Variants in SH3PXD2B observed in about 807,000 individuals in gnomAD.
SH3PXD2B encodes SH3 and PX domain-containing protein 2B.
Under a neutral mutation model 73.1 loss-of-function variants are expected in SH3PXD2B, and 37 were observed. That is an observed-to-expected ratio of 0.51 (90% confidence interval 0.39 to 0.67). The LOEUF (loss-of-function observed/expected upper bound fraction) is 0.67. Among genes scored for constraint, SH3PXD2B ranks in the 30% least tolerant of loss-of-function variants. The probability of loss-of-function intolerance (pLI) is 0.00; values close to 1 mark genes in which losing one functional copy is unlikely to be tolerated. For synonymous variants in SH3PXD2B, 457 were observed against 480.5 expected (o/e 0.95, Z 0.64); for missense variants, 1,053 against 1,197.8 (o/e 0.88, Z 1.78).
Position 172,445,661 on chromosome 5 carries a change from A to G in SH3PXD2B, c.75+8617T>C, listed in dbSNP as rs919964913. 1.8e-4 allele frequency among the ~76,000 whole-genome samples: 28 copies of G among 152,254 alleles called. No homozygotes were observed. The highest frequency in any genetic ancestry group is 4.1e-4 in the Non-Finnish European group (28 of 68,048). On this transcript the variant is annotated intron_variant, in intron 1 of 12. Transcript: ENST00000311601. The surrounding 1 kb of genome is among the most constrained non-coding windows in gnomAD (Gnocchi z 5.2). ...CTCATAAATATGTCCCAAATATTGC[A>G]TGTTTATTTGAAACCGAAATTGAAC...
chr5:172,346,400 A>G (rs940000255), intron 11 of SH3PXD2B, 139 bp from the exon 12 acceptor site: 1 of 1,299,960 alleles, frequency 7.7e-7, no homozygotes, highest in Admixed American at 1.8e-5. Context: ...AAGGGACAAC[A>G]CAAATAGGAC....
rs142701718 is a variant in SH3PXD2B, at chr5:172,394,341, T to C, written c.309+222A>G. Among the ~76,000 whole-genome samples the C allele has an allele frequency of 2.0e-3, 298 of 152,324 alleles. 2 individuals are homozygous for C. The highest frequency in any genetic ancestry group is 6.8e-3 in the African/African-American group (281 of 41,564). On this transcript the variant is annotated intron_variant, in intron 4 of 12. Transcript: ENST00000311601. ...CACATACAGAATGGTCTCAACATCA[T>C]TAAGAAATGCACATAAAGAAAAGGT...
intron 7 of SH3PXD2B, among the ~76,000 whole-genome samples, chr5:172,361,363 T>C (rs1398461866): frequency 1.3e-5 from 2 of 152,226 alleles, no homozygotes; most frequent in Non-Finnish European, 2.9e-5. Context: ...TGTATCCACG[T>C]ATTACTTGGA....
At chr5:172,358,733 A>G (rs370929897) in intron 8 of SH3PXD2B, 40 bp downstream of exon 8, 20 of 1,553,338 alleles carry the variant, frequency 1.3e-5, no homozygotes, top group Non-Finnish European at 1.6e-5. Context: ...ATGACTGCAC[A>G]GGTCCTCCCC....
intron 12 of SH3PXD2B, among the ~76,000 whole-genome samples, chr5:172,340,911 T>C (rs1355333779): frequency 6.6e-6 from 1 of 152,152 alleles, no homozygotes; most frequent in African/African-American, 2.4e-5. Context: ...ATATCTATCT[T>C]TGAACACAGG....
chr5:172,420,418 ATTT>A (rs1187064458), intron 2 of SH3PXD2B, among the ~76,000 whole-genome samples: 1 of 152,182 alleles, frequency 6.6e-6, no homozygotes, highest in Non-Finnish European at 1.5e-5. Context: ...GGAACACATT[ATTT>A]CCCCTCCCCC....
intron 3 of SH3PXD2B, 58 bp from the exon 4 acceptor site, chr5:172,394,697 A>G (rs182519541): frequency 3.2e-6 from 5 of 1,563,848 alleles, no homozygotes; most frequent in Non-Finnish European, 4.4e-6. Context: ...GCTCTCAGCA[A>G]CCTGAGAGGG....
intron 1 of SH3PXD2B, among the ~76,000 whole-genome samples, chr5:172,451,575 G>T (rs1759797498): frequency 6.6e-6 from 1 of 152,206 alleles, no homozygotes; most frequent in African/African-American, 2.4e-5. Context: ...GCCCTTGAGG[G>T]ATGTAGCAGT....
chr5:172,432,925 A>G (rs190157264), intron 1 of SH3PXD2B, among the ~76,000 whole-genome samples: 210 of 78,750 alleles, frequency 2.7e-3, no homozygotes, highest in South Asian at 6.3e-3. Context: ...CAAAAAAAAA[A>G]GGGGGGGGGG....
rs765813679 is a variant in SH3PXD2B, at chr5:172,333,583, C to T, written c.*4786G>A. On this transcript the variant is annotated 3_prime_UTR_variant, in exon 13 of 13. Coordinates refer to ENST00000311601, the MANE Select transcript of SH3PXD2B (RefSeq NM_001017995.3). ...AGAAGTCAAATGGTAAAGTATATAGCCTACACATGCTACAGCTAGTTGTTC... is the reference window on the plus strand; with the variant it reads ...AGAAGTCAAATGGTAAAGTATATAGTCTACACATGCTACAGCTAGTTGTTC... 7.9e-6 allele frequency: 10 copies of T among 1,258,402 alleles called. No individual in the cohort carries two copies. The highest frequency in any genetic ancestry group is 6.3e-5 in the African/African-American group (4 of 63,990). 78.0% of individuals were successfully genotyped at this position (1,258,402 alleles called of 1,614,324 possible).
chr5:172,363,989 C>T (rs1757454096), intron 6 of SH3PXD2B, among the ~76,000 whole-genome samples: 1 of 152,104 alleles, frequency 6.6e-6, no homozygotes, highest in South Asian at 2.1e-4. Context: ...GCGAAGGTGG[C>T]CTGAACCAGG....
chr5:172,423,854 G>C (rs566749550), intron 1 of SH3PXD2B, among the ~76,000 whole-genome samples: 2 of 152,198 alleles, frequency 1.3e-5, no homozygotes, highest in South Asian at 4.1e-4. Context: ...TGTTGCTCAG[G>C]CTGGTCTCGA....
chr5:172,423,411 G>A (rs974458693), intron 1 of SH3PXD2B, among the ~76,000 whole-genome samples: 11 of 152,182 alleles, frequency 7.2e-5, no homozygotes, highest in Non-Finnish European at 1.5e-4. Flanking sequence ...TAGAAGCCCT[G>A]GGGTTTCACA....
chr5:172,397,136 G>C (rs1218018173), intron 3 of SH3PXD2B, among the ~76,000 whole-genome samples: 3 of 152,084 alleles, frequency 2.0e-5, no homozygotes, highest in East Asian at 3.9e-4. Context: ...GCATTCCTAG[G>C]GGGAGGTCTC....
chr5:172,419,237 C>T (rs1463738330), intron 2 of SH3PXD2B, among the ~76,000 whole-genome samples: 2 of 152,162 alleles, frequency 1.3e-5, no homozygotes, highest in African/African-American at 4.8e-5. Context: ...CTCAGAGAAC[C>T]CAGTCCACCT....
chr5:172,366,377 T>C (rs1757523509), intron 6 of SH3PXD2B, among the ~76,000 whole-genome samples: 1 of 152,268 alleles, frequency 6.6e-6, no homozygotes, highest in Non-Finnish European at 1.5e-5. Context: ...TGCTCAAAAA[T>C]GCTACTCTGA....
intron 3 of SH3PXD2B, among the ~76,000 whole-genome samples, chr5:172,404,038 G>A (rs775282217): frequency 7.2e-5 from 11 of 152,190 alleles, no homozygotes; most frequent in South Asian, 2.1e-4. Flanking sequence ...GCTGGCCAGC[G>A]GGGTTTTCTC....
chr5:172,415,573 A>T (rs1217381656), intron 2 of SH3PXD2B, among the ~76,000 whole-genome samples: 1 of 152,076 alleles, frequency 6.6e-6, no homozygotes, highest in Non-Finnish European at 1.5e-5. Flanking sequence ...TACAATACTG[A>T]CCTCATGCCT....
At chr5:172,402,519 G>A (rs1020830916) in intron 3 of SH3PXD2B, among the ~76,000 whole-genome samples, 1 of 152,192 alleles carries the variant, frequency 6.6e-6, no homozygotes, top group Admixed American at 6.5e-5. Context: ...GCGGCTTGCA[G>A]GGCATCACGG....
Sources: gnomAD v4.1 joint callset for allele counts (sites outside exome capture counted in the v4.1 genomes callset) on GRCh38, gnomAD v4.1.1 for gene constraint, Gnocchi (gnomAD v3.1) non-coding constraint, MANE v1.5 for transcripts, NCBI Gene and HGNC (gene_info 2026-07-23, HGNC 2026-07-21) for gene names.